The following AFDN variants were observed in gnomAD, a reference collection of about 807,000 sequenced individuals.
The protein encoded by AFDN is afadin, adherens junction formation factor, also known as afadin.
AFDN carries 68 observed loss-of-function variants against 216.6 expected under a neutral mutation model. The ratio of observed to expected loss-of-function variants is 0.31; its 90% CI spans 0.26 to 0.38. The LOEUF (loss-of-function observed/expected upper bound fraction) is 0.38. Among genes scored for constraint, AFDN ranks in the 10% least tolerant of loss-of-function variants. The pLI is 1.00. For synonymous variants in AFDN, 868 were observed against 853.7 expected, an observed-to-expected ratio of 1.02 and a Z score of -0.29; for missense variants, 2,136 against 2,342.0, an observed-to-expected ratio of 0.91 and a Z score of 1.82.
At chr6:167,904,540 A>G (rs1789407006) in intron 12 of AFDN, among the ~76,000 whole-genome samples, 1 of 151,922 alleles carries the variant, frequency 6.6e-6, no homozygotes, top group Non-Finnish European at 1.5e-5. Context: ...TTTACTTGAC[A>G]TATCCACTTG....
intron 1 of AFDN, among the ~76,000 whole-genome samples, chr6:167,832,673 C>G (rs1297088236): frequency 6.6e-6 from 1 of 152,114 alleles, no homozygotes; most frequent in Non-Finnish European, 1.5e-5. Flanking sequence ...TTTATACTTA[C>G]AAATTTATGC....
chr6:167,867,542 G>A (rs1486248438), intron 2 of AFDN, among the ~76,000 whole-genome samples: 2 of 150,726 alleles, frequency 1.3e-5, no homozygotes, highest in African/African-American at 4.9e-5. Context: ...CGATTCTCCT[G>A]CCTCAGCCTC....
At chr6:167,953,642 A>G (rs1008234145) in intron 30 of AFDN, among the ~76,000 whole-genome samples, 3 of 152,210 alleles carry the variant, frequency 2.0e-5, no homozygotes, top group Non-Finnish European at 4.4e-5. Context: ...CACTACATTA[A>G]TAGCTATTTT....
chr6:167,946,081 T>A (rs1483502887), intron 26 of AFDN, among the ~76,000 whole-genome samples: 1 of 152,200 alleles, frequency 6.6e-6, no homozygotes, highest in African/African-American at 2.4e-5. Context: ...AAGGGGCAGC[T>A]CAACAAAACC....
In AFDN at chr6:167,863,886, G is replaced by A. The variant is rs1485396153; in HGVS notation, c.106-665G>A. 1.1e-5 allele frequency: 5 copies of A among 470,426 alleles called. 1 individual carries two copies. Among genetic ancestry groups the A allele is most frequent in the African/African-American group, 2.0e-5 (1 of 51,050 alleles). The allele number at this position is 470,426 out of a possible 1,614,324, so 29.1% of individuals were successfully genotyped here. A position where few individuals can be genotyped will look rare whatever the true frequency, so the allele number is the denominator to read the frequency against. On this transcript the variant is annotated intron_variant, in intron 1 of 33. Transcript: ENST00000683244. ...GAAAATTAGTTACAACTATTAGGTT[G>A]GTGCAAAAGTACTTGTGCTTTTTGC... is the stretch of plus-strand genomic sequence containing the variant.
intron 31 of AFDN, chr6:167,964,104 T>C: frequency 9.4e-7 from 1 of 1,064,068 alleles, no homozygotes; most frequent in Non-Finnish European, 1.1e-6. Flanking sequence ...ATTTAATTTT[T>C]CCAATGTGTT....
At position 167,893,845 on chromosome 6, in the gene AFDN, A is replaced by G. The variant is rs779585605; in HGVS notation, c.1178-17A>G. 8.2e-6 allele frequency: 13 copies of G among 1,577,150 alleles called. No homozygotes were observed. The highest frequency in any genetic ancestry group is 1.0e-5 in the Non-Finnish European group (12 of 1,158,696). On this transcript the variant is annotated splice_polypyrimidine_tract_variant and intron_variant, in intron 8 of 33. Transcript: ENST00000683244. ...ATGCTGCCTTCACCTGGGTCCTGGC[A>G]TGTGTCTTAACCCCAGGGAGAAGGA...
chr6:167,956,425 G>A (rs1280183314), intron 30 of AFDN, among the ~76,000 whole-genome samples: 1 of 152,074 alleles, frequency 6.6e-6, no homozygotes, highest in African/African-American at 2.4e-5. Context: ...GTCTCTTTGT[G>A]ACCCATCACC....
intron 15 of AFDN, 78 bp downstream of exon 15, chr6:167,911,567 AG>A: frequency 7.7e-7 from 1 of 1,300,014 alleles, no homozygotes; most frequent in Non-Finnish European, 1.1e-6. Context: ...AGCTTCTTTA[AG>A]GCTTCTCATT....
chr6:167,855,269 G>C (rs1282637802), intron 1 of AFDN, among the ~76,000 whole-genome samples: 1 of 152,060 alleles, frequency 6.6e-6, no homozygotes, highest in Non-Finnish European at 1.5e-5. Flanking sequence ...TGACAATACT[G>C]ATCTAGTTAA....
rs1322881502 is a variant in AFDN, at chr6:167,913,422, A to G, written c.2057A>G (p.Gln686Arg). 2 of 1,535,972 alleles carry G rather than the reference A, an allele frequency of 1.3e-6. No homozygotes were observed. The highest frequency in any genetic ancestry group is 2.4e-5 in the East Asian group (1 of 40,916). The change falls in exon 16 of 34, where the codon CAG becomes CGG. Residue 686 changes from glutamine to arginine, a missense_variant and splice_region_variant. Gln to Arg is a conservative substitution (Grantham distance 43). Transcript: ENST00000683244. ...CTCCAGGAAGTAGACCAGGTTGACC[A>G]GGTAGGACATCTGCTGGGAGCTGAT... Reference protein sequence around the residue: ...GVIQEVDQVDQKQKNIAGALA... With the variant: ...GVIQEVDQVDRKQKNIAGALA...
rs1797423524 is a variant in AFDN at position 167,965,231 on chromosome 6, C to T, written c.4969-526C>T. ...AAACAGGGTGGTTCACTCATGTCCT[C>T]CTTGTCCAGGAAGGACTGCTCTTCT... On this transcript the variant is annotated intron_variant, in intron 31 of 33. Transcript: ENST00000683244. The T allele has an allele frequency of 1.5e-5, 4 of 265,164 alleles. No individual in the cohort carries two copies. The Admixed American group carries it at 2.6e-4, about 17-fold the overall frequency. The allele number at this position is 265,164 out of a possible 1,614,324, so 16.4% of individuals were successfully genotyped here.
At position 167,943,981 on chromosome 6, in the gene AFDN, C is replaced by T; in HGVS notation, c.3280C>T (p.Leu1094=). 6.2e-7 allele frequency: 1 copy of T among 1,614,190 alleles called. No homozygotes were observed. Among genetic ancestry groups the T allele is most frequent in the Non-Finnish European group, 8.5e-7 (1 of 1,180,028 alleles). ...LMTRTSSVVT[L]EVAKQGAIYH... is the part of the protein sequence containing the mutation. Reference sequence around the variant, plus strand: ...GACAAGAACAAGCTCTGTGGTGACACTGGAAGTAGCAAAGCAGGGTGCCAT... The same window carrying T: ...GACAAGAACAAGCTCTGTGGTGACATTGGAAGTAGCAAAGCAGGGTGCCAT... The change falls in exon 26 of 34, where the codon CTG becomes TTG. Residue 1094 remains leucine, a synonymous_variant. Coordinates refer to ENST00000683244, the MANE Select transcript of AFDN (RefSeq NM_001386888.1).
At chr6:167,841,499 A>C (rs1018270447) in intron 1 of AFDN, among the ~76,000 whole-genome samples, 2 of 152,198 alleles carry the variant, frequency 1.3e-5, no homozygotes, top group African/African-American at 4.8e-5. Context: ...CAGGAAAAAA[A>C]AAATACTGTA....
chr6:167,845,589 T>C (rs961256064), intron 1 of AFDN, among the ~76,000 whole-genome samples: 2 of 152,160 alleles, frequency 1.3e-5, no homozygotes, highest in Admixed American at 1.3e-4. Context: ...TTGGTCAGAC[T>C]GCTTTCCAAC....
intron 1 of AFDN, among the ~76,000 whole-genome samples, chr6:167,840,898 C>T (rs1390434298): frequency 6.6e-6 from 1 of 152,080 alleles, no homozygotes; most frequent in African/African-American, 2.4e-5. Flanking sequence ...TAAAAACATT[C>T]GAGATGAAAG....
intron 23 of AFDN, among the ~76,000 whole-genome samples, chr6:167,927,625 A>G (rs1429540224): frequency 1.3e-5 from 2 of 152,136 alleles, no homozygotes; most frequent in Non-Finnish European, 2.9e-5. Context: ...CTTTTAGCGT[A>G]TGGGTTGAAG....
intron 23 of AFDN, among the ~76,000 whole-genome samples, chr6:167,934,150 C>T (rs531280868): frequency 1.3e-5 from 2 of 152,332 alleles, no homozygotes; most frequent in East Asian, 3.9e-4. Flanking sequence ...TATGGGCTTC[C>T]TGCATCCCAT....
intron 21 of AFDN, among the ~76,000 whole-genome samples, chr6:167,920,022 G>C (rs967273166): frequency 1.3e-5 from 2 of 152,188 alleles, no homozygotes; most frequent in Non-Finnish European, 2.9e-5. Context: ...TACAAAGGCT[G>C]CTTCTTTAAT....
Sources: gnomAD v4.1 joint callset for allele counts (sites outside exome capture counted in the v4.1 genomes callset) on GRCh38, gnomAD v4.1.1 for gene constraint, MANE v1.5 for transcripts, NCBI Gene and HGNC (gene_info 2026-07-23, HGNC 2026-07-21) for gene names.